Variants in SOS2 observed in about 807,000 individuals in gnomAD.
SOS2 encodes SOS Ras/Rho guanine nucleotide exchange factor 2, also known as son of sevenless homolog 2.
A neutral mutation model predicts 148.2 loss-of-function variants in SOS2; 65 were observed. The ratio of observed to expected loss-of-function variants is 0.44; its 90% confidence interval spans 0.36 to 0.54. The LOEUF is 0.54. Ranked by LOEUF, SOS2 falls within the 20% of genes least tolerant of loss-of-function variation. SOS2 has a pLI of 0.00. For missense variants in SOS2, 1,341 were observed against 1,590.2 expected (o/e 0.84, Z 2.67); for synonymous variants, 539 against 537.1 (o/e 1.00, Z -0.05).
At position 50,145,362 on chromosome 14, in the gene SOS2, A is replaced by G. The variant is rs762099314; in HGVS notation, c.2505-30T>C. The G allele has an allele frequency of 1.9e-6, 3 of 1,582,582 alleles. No individual in the cohort carries two copies. The Admixed American group carries it at 5.7e-5, about 30-fold the overall frequency. On this transcript the variant is annotated intron_variant, in intron 15 of 22. Transcript: ENST00000216373. ...CAACAACAAAAATTCATGGCTTAGA[A>G]AAGTTTCTTCACCTCACTTAGAAAA...
chr14:50,213,992 A>C (rs1360961079), intron 1 of SOS2, among the ~76,000 whole-genome samples: 1 of 152,132 alleles, frequency 6.6e-6, no homozygotes, highest in Non-Finnish European at 1.5e-5. Flanking sequence ...TGAAATAGCA[A>C]TATAAGCACT....
chr14:50,185,122 A>G (rs571285158), intron 5 of SOS2, among the ~76,000 whole-genome samples: 1 of 152,152 alleles, frequency 6.6e-6, no homozygotes, highest in Non-Finnish European at 1.5e-5. Context: ...AAATTAATGG[A>G]ACCCAAGGAG....
At chr14:50,157,510 A>G (rs1303800355) in intron 11 of SOS2, among the ~76,000 whole-genome samples, 1 of 152,164 alleles carries the variant, frequency 6.6e-6, no homozygotes, top group African/African-American at 2.4e-5. Context: ...AGAGAGGGCC[A>G]AAACCGAATA....
chr14:50,199,090 T>C (rs1231977114), intron 4 of SOS2, among the ~76,000 whole-genome samples: 1 of 152,122 alleles, frequency 6.6e-6, no homozygotes, highest in African/African-American at 2.4e-5. Context: ...GAGGCAAAGT[T>C]TGCAGTGAGC....
At position 50,159,906 on chromosome 14, in the gene SOS2, A is replaced by C; in HGVS notation, c.1377T>G (p.Ile459Met). The C allele has an allele frequency of 6.2e-7, 1 of 1,614,158 alleles. No individual in the cohort carries two copies. The highest frequency in any genetic ancestry group is 8.5e-7 in the Non-Finnish European group (1 of 1,180,018). The change falls in exon 10 of 23, where the codon ATT becomes ATG. Residue 459 changes from isoleucine to methionine, a missense_variant. By Grantham distance (10) the Ile-to-Met change is conservative (BLOSUM62 1). Coordinates refer to ENST00000216373, the MANE Select transcript of SOS2 (RefSeq NM_006939.4). The stretch of plus-strand genomic sequence containing the variant: ...TGATCATTAAGCCATCAAACAGAAA[A>C]ATATGCCGTTCATGTTTGGCACCGA... ...TRIGAKHERH[I>M]FLFDGLMISC...
rs541583718 is a variant in SOS2, at chr14:50,212,213, C to T, written c.88-7804G>A. ...AAAACAGGCCAGGCGCGGTGGCTCG[C>T]GCCTATAATCCCAGCACTTTGGGAG... On this transcript the variant is annotated intron_variant, in intron 1 of 22. Transcript: ENST00000216373. Among the ~76,000 whole-genome samples, 17 of 152,370 alleles carry T rather than the reference C, an allele frequency of 1.1e-4. No homozygotes were observed. In the South Asian group the frequency reaches 2.9e-3, roughly 26 times the overall value.
intron 1 of SOS2, among the ~76,000 whole-genome samples, chr14:50,214,696 GTTTC>G (rs1162999900): frequency 6.8e-6 from 1 of 147,330 alleles, no homozygotes; most frequent in Non-Finnish European, 1.5e-5. Context: ...TCATAAGGCC[GTTTC>G]TTTTTTTTTT....
Position 50,171,664 on chromosome 14 carries a change from CAG to C in SOS2, c.1068+2788_1068+2789del, listed in dbSNP as rs1199219537. Among the ~76,000 whole-genome samples, 11 of 118,100 alleles carry C rather than the reference CAG, an allele frequency of 9.3e-5. No homozygotes were observed. In the Admixed American group the frequency reaches 1.1e-3, roughly 12 times the overall value. 77.5% of individuals were successfully genotyped at this position (118,100 alleles called of 152,430 possible). ...ATGCCACCGCACTCCAGCCAGGCGA[CAG>C]AGCAAAATTCCATCTCAAAAAAAAA... On this transcript the variant is annotated intron_variant, in intron 8 of 22. Transcript: ENST00000216373.
intron 12 of SOS2, 40 bp downstream of exon 12, chr14:50,156,951 GTATATATA>G: frequency 1.2e-6 from 1 of 844,204 alleles, no homozygotes; most frequent in South Asian, 1.8e-5. Flanking sequence ...GTGTGTGTGT[GTATATATA>G]TGTGTATATA....
At chr14:50,171,577 A>G (rs1214616834) in intron 8 of SOS2, among the ~76,000 whole-genome samples, 1 of 150,844 alleles carries the variant, frequency 6.6e-6, no homozygotes, top group Non-Finnish European at 1.5e-5. Context: ...CCAGCTACTC[A>G]GGAGGCTGAG....
intron 8 of SOS2, among the ~76,000 whole-genome samples, chr14:50,172,629 A>C (rs768513318): frequency 6.6e-6 from 1 of 151,646 alleles, no homozygotes; most frequent in Non-Finnish European, 1.5e-5. Context: ...TTGGACTCCT[A>C]AAGTGCTGGG....
chr14:50,196,037 A>T (rs4900997), intron 4 of SOS2, among the ~76,000 whole-genome samples: 91,908 of 151,920 alleles, frequency 0.6, 28,621 homozygotes, highest in Non-Finnish European at 0.69. Context: ...AAAAAAGAAA[A>T]AAAACAAAAA....
intron 8 of SOS2, among the ~76,000 whole-genome samples, chr14:50,171,913 C>T (rs890982059): frequency 6.6e-6 from 1 of 152,118 alleles, no homozygotes; most frequent in African/African-American, 2.4e-5. Flanking sequence ...CTGACACCTG[C>T]TACAGACTTT....
At chr14:50,190,103 T>C (rs918148703) in intron 4 of SOS2, among the ~76,000 whole-genome samples, 4 of 152,072 alleles carry the variant, frequency 2.6e-5, no homozygotes, top group African/African-American at 9.7e-5. Flanking sequence ...TCCACCTGCC[T>C]CAGCCTCCCA....
chr14:50,201,304 A>G (rs538857979), intron 2 of SOS2, among the ~76,000 whole-genome samples: 86 of 152,148 alleles, frequency 5.7e-4, no homozygotes, highest in African/African-American at 2.0e-3. Flanking sequence ...AGGCTGAGGC[A>G]GGTGGATCAC....
chr14:50,201,177 G>T, intron 2 of SOS2, 93 bp from the exon 3 acceptor site: 2 of 1,160,810 alleles, frequency 1.7e-6, no homozygotes, highest in Non-Finnish European at 2.5e-6. Flanking sequence ...TATTCTTAAT[G>T]CTAGCAGATA....
At chr14:50,160,613 C>G (rs1224942143) in intron 9 of SOS2, among the ~76,000 whole-genome samples, 2 of 151,962 alleles carry the variant, frequency 1.3e-5, no homozygotes, top group Non-Finnish European at 2.9e-5. Context: ...TCTCAAACTC[C>G]TGACCTCAGG....
chr14:50,226,340 T>C (rs1212476972), intron 1 of SOS2, among the ~76,000 whole-genome samples: 1 of 152,200 alleles, frequency 6.6e-6, no homozygotes, highest in African/African-American at 2.4e-5. Context: ...CTCTCATATA[T>C]CAATGACACC....
intron 8 of SOS2, 96 bp from the exon 9 acceptor site, chr14:50,161,705 C>G: frequency 9.0e-7 from 1 of 1,113,388 alleles, no homozygotes; most frequent in Non-Finnish European, 1.3e-6. Flanking sequence ...ATTATCAACT[C>G]TAAGTTAATT....
Sources: allele counts gnomAD v4.1 joint callset (sites outside exome capture counted in the v4.1 genomes callset), GRCh38; gene constraint gnomAD v4.1.1; transcripts MANE v1.5; gene names NCBI Gene and HGNC (gene_info 2026-07-23, HGNC 2026-07-21).